Variants in EEPD1 observed in about 807,000 individuals in gnomAD.
EEPD1 encodes the protein endonuclease/exonuclease/phosphatase family domain containing 1, also known as endonuclease/exonuclease/phosphatase family domain-containing protein 1.
EEPD1 carries 17 observed loss-of-function variants against 46.3 expected under a neutral mutation model. The ratio of observed to expected loss-of-function variants is 0.37; its 90% CI spans 0.25 to 0.55. The LOEUF is 0.55. EEPD1 is among the 20% of genes least tolerant of loss of function. The probability of loss-of-function intolerance (pLI) is 0.83; values close to 1 mark genes in which losing one functional copy is unlikely to be tolerated. For missense variants in EEPD1, 673 were observed against 745.6 expected, an observed-to-expected ratio of 0.90 and a Z score of 1.13; for synonymous variants, 313 against 315.6, an observed-to-expected ratio of 0.99 and a Z score of 0.09.
intron 2 of EEPD1, among the ~76,000 whole-genome samples, chr7:36,164,591 T>C (rs571314202): frequency 1.3e-5 from 2 of 152,268 alleles, no homozygotes; most frequent in Admixed American, 6.5e-5. Flanking sequence ...TTGTTCTACA[T>C]GTTTATTGTA....
At chr7:36,240,610 C>T (rs769256656) in intron 3 of EEPD1, among the ~76,000 whole-genome samples, 2 of 152,198 alleles carry the variant, frequency 1.3e-5, no homozygotes, top group Non-Finnish European at 2.9e-5. Flanking sequence ...TAAAAGACAT[C>T]ATCGGGCCAA....
chr7:36,188,581 G>A (rs927286754), intron 2 of EEPD1, among the ~76,000 whole-genome samples: 5 of 152,142 alleles, frequency 3.3e-5, no homozygotes, highest in African/African-American at 7.2e-5. Flanking sequence ...GGAAGCGGGC[G>A]CAGGGTGGGG....
chr7:36,236,701 G>A (rs764591696), intron 2 of EEPD1, among the ~76,000 whole-genome samples: 1 of 152,094 alleles, frequency 6.6e-6, no homozygotes, highest in Non-Finnish European at 1.5e-5. Context: ...TCATTGGATG[G>A]GGACTTGGAG....
chr7:36,207,074 A>T (rs953386426), intron 2 of EEPD1, among the ~76,000 whole-genome samples: 4 of 152,064 alleles, frequency 2.6e-5, no homozygotes, highest in African/African-American at 9.7e-5. Context: ...AACAACAACA[A>T]AAAAAACTCT....
intron 3 of EEPD1, among the ~76,000 whole-genome samples, chr7:36,277,553 A>G (rs1787200803): frequency 6.6e-6 from 1 of 152,142 alleles, no homozygotes; most frequent in African/African-American, 2.4e-5. Context: ...AGTGAGGTTG[A>G]TGTTGCTGGT....
rs535645012 is a variant in EEPD1 at position 36,162,692 on chromosome 7, G to A, written c.878+7490G>A. Among the ~76,000 whole-genome samples, 7 of 152,172 alleles carry A rather than the reference G, an allele frequency of 4.6e-5. No homozygotes were observed. In the East Asian group the frequency reaches 1.4e-3, roughly 29 times the overall value. ...AAGAAAAACCTGGATTTTCTTTACT[G>A]ACTACAATTCCCCAACTAATATTGA... On this transcript the variant is annotated intron_variant, in intron 2 of 7. Transcript: ENST00000242108.
Position 36,219,992 on chromosome 7 carries a change from C to T in EEPD1, c.879-18993C>T, listed in dbSNP as rs141209310. Among the ~76,000 whole-genome samples the T allele has an allele frequency of 9.9e-3, 1,512 of 152,102 alleles. 18 individuals are homozygous for T. Among genetic ancestry groups the T allele is most frequent in the African/African-American group, 0.034 (1,413 of 41,484 alleles). On this transcript the variant is annotated intron_variant, in intron 2 of 7. Transcript: ENST00000242108. ...CATCCCACATGGCCTGAGCAGGTTGCGGGAAGAAGAGCACAGGAAAATGGA... is the reference window on the plus strand; with the variant it reads ...CATCCCACATGGCCTGAGCAGGTTGTGGGAAGAAGAGCACAGGAAAATGGA...
At chr7:36,268,593 T>C (rs530109955) in intron 3 of EEPD1, among the ~76,000 whole-genome samples, 1 of 152,312 alleles carries the variant, frequency 6.6e-6, no homozygotes, top group African/African-American at 2.4e-5. Flanking sequence ...CAGCATGCAA[T>C]GCTGGCTCCT....
intron 2 of EEPD1, among the ~76,000 whole-genome samples, chr7:36,215,343 GGCT>G (rs879770842): frequency 3.9e-5 from 6 of 152,222 alleles, no homozygotes; most frequent in African/African-American, 1.2e-4. Flanking sequence ...CGGGGCTGGG[GGCT>G]GCTGCTGCTG....
At chr7:36,244,024 G>A (rs1285307478) in intron 3 of EEPD1, among the ~76,000 whole-genome samples, 1 of 151,798 alleles carries the variant, frequency 6.6e-6, no homozygotes, top group East Asian at 1.9e-4. Flanking sequence ...TTGTGCACAT[G>A]TACCCTAAAA....
At position 36,260,718 on chromosome 7, in the gene EEPD1, T is replaced by C. The variant is rs114965983; in HGVS notation, c.931-20397T>C. ...ACCTTGTAGTGAGAAAGACCTGAGT[T>C]TGACTCTCAAATAATAGATCATGAA... On this transcript the variant is annotated intron_variant, in intron 3 of 7. Transcript: ENST00000242108. 3.6e-3 allele frequency among the ~76,000 whole-genome samples: 549 copies of C among 152,374 alleles called. 3 individuals carry two copies. Among genetic ancestry groups the C allele is most frequent in the African/African-American group, 0.012 (516 of 41,596 alleles).
chr7:36,291,555 C>G (rs1787432170), intron 6 of EEPD1, among the ~76,000 whole-genome samples: 1 of 152,218 alleles, frequency 6.6e-6, no homozygotes, highest in East Asian at 1.9e-4. Context: ...GCACTGATTT[C>G]TCCATGGTGT....
intron 2 of EEPD1, among the ~76,000 whole-genome samples, chr7:36,200,374 C>G (rs923483870): frequency 2.6e-5 from 4 of 152,194 alleles, no homozygotes; most frequent in Non-Finnish European, 5.9e-5. Context: ...TTTATTCAAT[C>G]TGCCATTGAT....
At chr7:36,291,953 C>T (rs1787448576) in intron 6 of EEPD1, among the ~76,000 whole-genome samples, 1 of 152,204 alleles carries the variant, frequency 6.6e-6, no homozygotes, top group African/African-American at 2.4e-5. Flanking sequence ...CATAACTATC[C>T]CACTTCCTCT....
intron 2 of EEPD1, among the ~76,000 whole-genome samples, chr7:36,195,802 AT>A (rs1161028864): frequency 2.0e-5 from 3 of 152,252 alleles, no homozygotes; most frequent in Non-Finnish European, 2.9e-5. Context: ...ATATTAATTC[AT>A]TTGATTTCAC....
chr7:36,254,090 CTTGAG>C (rs993672233), intron 3 of EEPD1, among the ~76,000 whole-genome samples: 3 of 151,876 alleles, frequency 2.0e-5, no homozygotes, highest in Non-Finnish European at 4.4e-5. Context: ...ACTATACTTT[CTTGAG>C]TTATTTTCTT....
chr7:36,223,217 TAAG>T (rs1786177879), intron 2 of EEPD1, among the ~76,000 whole-genome samples: 1 of 152,018 alleles, frequency 6.6e-6, no homozygotes, highest in South Asian at 2.1e-4. Context: ...ACAGTAATAA[TAAG>T]AAATAAATTT....
chr7:36,154,969 C>A lies in EEPD1; in HGVS notation c.645C>A (p.Ala215=). ...CGAACGGGGGACTGACCTTCACCGCCAAGCCTCACCCGAGCCCCACTTCCC... is the reference window on the plus strand; with the variant it reads ...CGAACGGGGGACTGACCTTCACCGCAAAGCCTCACCCGAGCCCCACTTCCC... ...THTNGGLTFT[A]KPHPSPTSLS... Residue 215 remains alanine, a synonymous_variant, in exon 2 of 8, where the codon GCC becomes GCA. Coordinates refer to ENST00000242108, the MANE Select transcript of EEPD1 (RefSeq NM_030636.3). This position sits in a 1 kb window ranked among gnomAD's most constrained non-coding sequence, Gnocchi z 4.2. The A allele has an allele frequency of 6.2e-7, 1 of 1,613,818 alleles. No individual in the cohort carries two copies. Among genetic ancestry groups the A allele is most frequent in the Non-Finnish European group, 8.5e-7 (1 of 1,179,912 alleles).
rs1163396343 is a variant in EEPD1 at position 36,153,452 on chromosome 7, G to A, written c.-415G>A. ...GCTGCCGCCGCCTCCGAGCAGCCCT[G>A]CGGCTTCTATTCACTCTGGGAGAGC... On this transcript the variant is annotated 5_prime_UTR_variant, in exon 1 of 8. Coordinates refer to ENST00000242108, the MANE Select transcript of EEPD1 (RefSeq NM_030636.3). 6.6e-6 allele frequency: 1 copy of A among 152,226 alleles called. No individual in the cohort carries two copies. Among genetic ancestry groups the A allele is most frequent in the African/African-American group, 2.4e-5 (1 of 41,468 alleles). The allele number at this position is 152,226 out of a possible 1,614,324, so 9.4% of individuals were successfully genotyped here.
Sources: gnomAD v4.1 joint callset for allele counts (sites outside exome capture counted in the v4.1 genomes callset) on GRCh38, gnomAD v4.1.1 for gene constraint, Gnocchi (gnomAD v3.1) non-coding constraint, MANE v1.5 for transcripts, NCBI Gene and HGNC (gene_info 2026-07-23, HGNC 2026-07-21) for gene names.